Variants in TBC1D5 observed in about 807,000 individuals in gnomAD.
TBC1D5 encodes the protein TBC1 domain family, member 5.
A neutral mutation model predicts 100.3 loss-of-function variants in TBC1D5; 75 were observed. The observed-to-expected ratio is 0.75, with a 90% CI of 0.62 to 0.91. The LOEUF (loss-of-function observed/expected upper bound fraction) is 0.91. Ranked by LOEUF, TBC1D5 falls within the 40% of genes least tolerant of loss-of-function variation. The pLI is 0.00. For synonymous variants in TBC1D5, 323 were observed against 325.6 expected, an observed-to-expected ratio of 0.99 and a Z score of 0.09; for missense variants, 910 against 942.4, an observed-to-expected ratio of 0.97 and a Z score of 0.45.
intron 1 of TBC1D5, among the ~76,000 whole-genome samples, chr3:17,627,922 A>AT (rs1481563196): frequency 6.6e-6 from 1 of 151,998 alleles, no homozygotes; most frequent in Non-Finnish European, 1.5e-5. Flanking sequence ...TCACTTTCGT[A>AT]TTTTTTCACA....
chr3:17,551,487 T>C (rs987906701), intron 2 of TBC1D5, among the ~76,000 whole-genome samples: 1 of 152,148 alleles, frequency 6.6e-6, no homozygotes, highest in African/African-American at 2.4e-5. Context: ...ACGGATGAGC[T>C]GGGGATCTCA....
intron 14 of TBC1D5, among the ~76,000 whole-genome samples, chr3:17,297,594 T>G (rs116098600): frequency 0.015 from 2,254 of 151,752 alleles, 50 homozygotes; most frequent in African/African-American, 0.051. Context: ...AAAAATTTCT[T>G]TTTTGGAGAC....
At chr3:17,185,071 G>A (rs924524098) in intron 19 of TBC1D5, 38 bp downstream of exon 20, 6 of 1,572,406 alleles carry the variant, frequency 3.8e-6, no homozygotes, top group Non-Finnish European at 4.4e-6. Flanking sequence ...TTATTGTGAT[G>A]AGTCTCATCG....
chr3:17,289,301 C>T (rs886698547), intron 15 of TBC1D5, among the ~76,000 whole-genome samples: 12 of 152,046 alleles, frequency 7.9e-5, no homozygotes, highest in African/African-American at 1.9e-4. Flanking sequence ...TATGGCGGGC[C>T]GAGTGGATGT....
chr3:17,460,399 T>C (rs1306972773), intron 3 of TBC1D5, among the ~76,000 whole-genome samples: 1 of 152,212 alleles, frequency 6.6e-6, no homozygotes, highest in Non-Finnish European at 1.5e-5. Flanking sequence ...TCTAAAACAA[T>C]TCCTATTTCT....
chr3:17,571,553 T>C (rs938933989), intron 2 of TBC1D5, among the ~76,000 whole-genome samples: 24 of 152,052 alleles, frequency 1.6e-4, no homozygotes, highest in Non-Finnish European at 4.4e-5. Flanking sequence ...TTTCATTTCC[T>C]TTCTTATCAA....
At chr3:17,677,151 T>C (rs2068749256) in intron 1 of TBC1D5, among the ~76,000 whole-genome samples, 1 of 151,976 alleles carries the variant, frequency 6.6e-6, no homozygotes, top group Non-Finnish European at 1.5e-5. Context: ...AACTGACAAA[T>C]GGGATCTAAT....
chr3:17,320,116 C>T (rs1195547255), intron 13 of TBC1D5, among the ~76,000 whole-genome samples: 2 of 152,054 alleles, frequency 1.3e-5, no homozygotes, highest in African/African-American at 4.8e-5. Context: ...GGTCTTTGTT[C>T]GTGTAAATAT....
rs9816822 is a variant in TBC1D5, at chr3:17,366,510, A to G, written c.995+5565T>C. 9.7e-4 allele frequency among the ~76,000 whole-genome samples: 147 copies of G among 152,234 alleles called. 1 individual carries two copies. Among genetic ancestry groups the G allele is most frequent in the African/African-American group, 3.3e-3 (137 of 41,568 alleles). ...TTTCTGAAAAATAATAATTCTGGGA[A>G]AACATTCAGTAGTGTATGAAAGCAA... On this transcript the variant is annotated intron_variant, in intron 13 of 21. Transcript: ENST00000253692.
chr3:17,639,397 A>G (rs894720308), intron 1 of TBC1D5, among the ~76,000 whole-genome samples: 1 of 152,042 alleles, frequency 6.6e-6, no homozygotes, highest in Non-Finnish European at 1.5e-5. Context: ...GTTAATGTAC[A>G]TAAGAAATCA....
In TBC1D5 at chr3:17,372,003, C is replaced by T; in HGVS notation, c.995+72G>A. 4.8e-6 allele frequency: 7 copies of T among 1,459,320 alleles called. No individual in the cohort carries two copies. The South Asian group carries it at 9.9e-5, about 21-fold the overall frequency. The allele number at this position is 1,459,320 out of a possible 1,614,324, so 90.4% of individuals were successfully genotyped here. ...AGTAAGCCAAGATCATGCCACTGCA[C>T]TCTAGCATGGGTGAAAGATGGAGAC... is the stretch of plus-strand genomic sequence containing the variant. On this transcript the variant is annotated intron_variant, in intron 13 of 21. Coordinates refer to ENST00000253692, the Ensembl canonical transcript of TBC1D5.
chr3:17,738,962 A>G (rs1028603994), intron 1 of TBC1D5, among the ~76,000 whole-genome samples: 2 of 152,188 alleles, frequency 1.3e-5, no homozygotes, highest in Admixed American at 1.3e-4. Flanking sequence ...GTTTTTGAGA[A>G]AGCATTTACA....
At chr3:17,305,399 G>T (rs1209371580) in intron 14 of TBC1D5, among the ~76,000 whole-genome samples, 1 of 152,072 alleles carries the variant, frequency 6.6e-6, no homozygotes, top group Non-Finnish European at 1.5e-5. Context: ...CTTCAAGAGT[G>T]AAAAAGGACA....
intron 3 of TBC1D5, among the ~76,000 whole-genome samples, chr3:17,461,273 G>A (rs186696556): frequency 7.9e-5 from 12 of 152,220 alleles, no homozygotes; most frequent in African/African-American, 1.9e-4. Context: ...ATATATGAAC[G>A]TGCAAACACA....
intron 1 of TBC1D5, among the ~76,000 whole-genome samples, chr3:17,656,021 T>C (rs2066026889): frequency 6.6e-6 from 1 of 152,226 alleles, no homozygotes; most frequent in Non-Finnish European, 1.5e-5. Context: ...ATACAGCTAT[T>C]ATGCAGCAAA....
chr3:17,276,766 T>C (rs74689411), intron 15 of TBC1D5, among the ~76,000 whole-genome samples: 2 of 152,336 alleles, frequency 1.3e-5, no homozygotes, highest in East Asian at 1.9e-4. Context: ...GGCTCTACTA[T>C]GTTTTCTAAA....
intron 2 of TBC1D5, among the ~76,000 whole-genome samples, chr3:17,529,430 T>G (rs1576532906): frequency 6.6e-6 from 1 of 152,260 alleles, no homozygotes; most frequent in East Asian, 1.9e-4. Context: ...GTTCTCTTCC[T>G]TACTTGACTT....
At chr3:17,169,694 C>CAA (rs1307696431) in intron 19 of TBC1D5, among the ~76,000 whole-genome samples, 2 of 151,988 alleles carry the variant, frequency 1.3e-5, no homozygotes, top group African/African-American at 4.8e-5. Context: ...ATAAAAAAAA[C>CAA]AAAAAACAAA....
chr3:17,238,476 C>T (rs2149038917), intron 16 of TBC1D5, 57 bp from the exon 17 acceptor site: 33 of 1,546,084 alleles, frequency 2.1e-5, no homozygotes, highest in Non-Finnish European at 2.9e-5. Context: ...TTCTATTTCA[C>T]ATAATTAATT....
Sources: gnomAD v4.1 joint callset for allele counts (sites outside exome capture counted in the v4.1 genomes callset) on GRCh38, gnomAD v4.1.1 for gene constraint, MANE v1.5 for transcripts, NCBI Gene and HGNC (gene_info 2026-07-23, HGNC 2026-07-21) for gene names.